CSMD1: variants seen among roughly 807,000 people sequenced by gnomAD.
The protein encoded by CSMD1 is CUB and Sushi multiple domains 1.
A neutral mutation model predicts 417.5 loss-of-function variants in CSMD1; 213 were observed. That is an observed-to-expected ratio of 0.51 (90% CI 0.46 to 0.57). The LOEUF is 0.57. Among genes scored for constraint, CSMD1 ranks in the 20% least tolerant of loss-of-function variants. CSMD1 has a pLI of 0.00. For missense variants in CSMD1, 6,923 were observed against 4,529.7 expected (o/e 1.53, Z -15.17); for synonymous variants, 2,862 against 1,736.8 (o/e 1.65, Z -16.11).
At chr8:3,041,322 T>C (rs1008944466) in intron 50 of CSMD1, among the ~76,000 whole-genome samples, 1 of 152,200 alleles carries the variant, frequency 6.6e-6, no homozygotes, top group Admixed American at 6.5e-5. Flanking sequence ...ATTATATTAA[T>C]ATAGAACAAG....
Position 3,085,811 on chromosome 8 carries a change from C to A in CSMD1, c.7474+1286G>T, listed in dbSNP as rs12681221. Among the ~76,000 whole-genome samples the A allele has an allele frequency of 1.1e-4, 17 of 152,284 alleles. No individual in the cohort carries two copies. The East Asian group carries it at 2.7e-3, about 24-fold the overall frequency. Reference sequence around the variant, plus strand: ...TTTCCAGAACTCCTTGCATATCCATCAGAAAGATGGACTAGCATGTGCCTG... The same window carrying A: ...TTTCCAGAACTCCTTGCATATCCATAAGAAAGATGGACTAGCATGTGCCTG... On this transcript the variant is annotated intron_variant, in intron 49 of 69. Transcript: ENST00000635120.
At chr8:4,562,302 G>T (rs1356573208) in intron 2 of CSMD1, among the ~76,000 whole-genome samples, 1 of 152,180 alleles carries the variant, frequency 6.6e-6, no homozygotes, top group East Asian at 1.9e-4. Flanking sequence ...TGGAGTGGAG[G>T]ACTCAGCAAG....
chr8:4,204,928 G>A (rs981898335), intron 3 of CSMD1, among the ~76,000 whole-genome samples: 3 of 152,070 alleles, frequency 2.0e-5, no homozygotes, highest in Admixed American at 6.6e-5. Flanking sequence ...CCAAAGTGCT[G>A]GGATTACAAA....
chr8:3,179,149 G>T (rs542990737), intron 37 of CSMD1, among the ~76,000 whole-genome samples: 7 of 151,164 alleles, frequency 4.6e-5, no homozygotes, highest in South Asian at 2.1e-4. Flanking sequence ...GTTTCAACGT[G>T]TTAGCCAGGA....
intron 3 of CSMD1, among the ~76,000 whole-genome samples, chr8:4,351,026 C>G (rs1361571699): frequency 2.6e-5 from 4 of 152,030 alleles, no homozygotes; most frequent in African/African-American, 4.8e-5. Context: ...TCTTGGCTAC[C>G]TCTATCAAAG....
chr8:3,692,680 G>A (rs1800317514), intron 7 of CSMD1, among the ~76,000 whole-genome samples: 1 of 152,070 alleles, frequency 6.6e-6, no homozygotes, highest in Non-Finnish European at 1.5e-5. Flanking sequence ...TGATCTGCCT[G>A]CCTCGGCCTC....
intron 3 of CSMD1, among the ~76,000 whole-genome samples, chr8:4,069,424 A>G (rs573181363): frequency 1.1e-4 from 16 of 152,308 alleles, no homozygotes; most frequent in South Asian, 2.1e-4. Flanking sequence ...ATGAGCATCT[A>G]TGATATTCAC....
intron 6 of CSMD1, among the ~76,000 whole-genome samples, chr8:3,729,513 G>A (rs543865906): frequency 2.6e-5 from 4 of 152,296 alleles, no homozygotes; most frequent in South Asian, 2.1e-4. Context: ...GACAGACTGT[G>A]GAACCTGCCC....
chr8:3,461,503 G>T (rs531755880), intron 12 of CSMD1, among the ~76,000 whole-genome samples: 1 of 152,218 alleles, frequency 6.6e-6, no homozygotes, highest in Non-Finnish European at 1.5e-5. Flanking sequence ...CCCAGGAGCT[G>T]ATTGAGATCT....
chr8:3,762,881 T>C (rs1798088042), intron 5 of CSMD1, among the ~76,000 whole-genome samples: 1 of 152,218 alleles, frequency 6.6e-6, no homozygotes. Flanking sequence ...AGGAAGCTGC[T>C]GATGAGAGCT....
chr8:4,195,558 C>A (rs545269013), intron 3 of CSMD1, among the ~76,000 whole-genome samples: 7 of 152,138 alleles, frequency 4.6e-5, no homozygotes, highest in Admixed American at 1.3e-4. Context: ...TGCGTCTGAC[C>A]AATAGTATAT....
intron 6 of CSMD1, among the ~76,000 whole-genome samples, chr8:3,721,930 T>A (rs1346603484): frequency 1.3e-5 from 2 of 152,250 alleles, no homozygotes; most frequent in South Asian, 4.1e-4. Flanking sequence ...TGCATCTACA[T>A]GCCACAGGTG....
chr8:4,119,362 A>T (rs1479680253), intron 3 of CSMD1, among the ~76,000 whole-genome samples: 1 of 152,188 alleles, frequency 6.6e-6, no homozygotes, highest in Non-Finnish European at 1.5e-5. Flanking sequence ...CTAAGTGAAC[A>T]TTTTTTAAAG....
rs903596426 is a variant in CSMD1, at chr8:4,243,458, C to T, written c.415+176495G>A. On this transcript the variant is annotated intron_variant, in intron 3 of 69. Transcript: ENST00000635120. ...CTGTAACTGACACTCTTCCCAGATT[C>T]GGCTTCTAGCCAGTATGTCTACTCA... Among the ~76,000 whole-genome samples, 5 of 152,262 alleles carry T rather than the reference C, an allele frequency of 3.3e-5. No individual in the cohort carries two copies. The East Asian group carries it at 7.7e-4, about 24-fold the overall frequency.
chr8:3,537,638 T>A (rs1227832409), intron 10 of CSMD1, among the ~76,000 whole-genome samples: 1 of 152,230 alleles, frequency 6.6e-6, no homozygotes, highest in Non-Finnish European at 1.5e-5. Context: ...GAAATTTATG[T>A]AGCATCATTT....
intron 5 of CSMD1, among the ~76,000 whole-genome samples, chr8:3,893,467 G>A (rs1007971779): frequency 6.6e-6 from 1 of 150,436 alleles, no homozygotes; most frequent in Non-Finnish European, 1.5e-5. Flanking sequence ...CTTTTGCAAA[G>A]GATAAAGCAA....
At chr8:3,806,747 A>G (rs1290051308) in intron 5 of CSMD1, among the ~76,000 whole-genome samples, 2 of 152,234 alleles carry the variant, frequency 1.3e-5, no homozygotes, top group African/African-American at 4.8e-5. Flanking sequence ...AAATTTAACA[A>G]TGAAGACAAG....
At chr8:4,085,733 T>C (rs1049611816) in intron 3 of CSMD1, among the ~76,000 whole-genome samples, 1 of 152,128 alleles carries the variant, frequency 6.6e-6, no homozygotes, top group Non-Finnish European at 1.5e-5. Flanking sequence ...AATGACCTAA[T>C]AGTAAAAATG....
chr8:3,520,634 T>A (rs1188952693), intron 10 of CSMD1, among the ~76,000 whole-genome samples: 1 of 152,182 alleles, frequency 6.6e-6, no homozygotes, highest in Admixed American at 6.5e-5. Flanking sequence ...TGTTTCCTGG[T>A]TCACCTGCAT....
Sources: gnomAD v4.1 joint callset for allele counts (sites outside exome capture counted in the v4.1 genomes callset) on GRCh38, gnomAD v4.1.1 for gene constraint, MANE v1.5 for transcripts, NCBI Gene and HGNC (gene_info 2026-07-23, HGNC 2026-07-21) for gene names.